Variants in KCNH1 observed in about 807,000 individuals in gnomAD.
KCNH1 encodes the protein voltage-gated delayed rectifier potassium channel KCNH1.
KCNH1 carries 27 observed loss-of-function variants against 69.2 expected under a neutral mutation model. That is an observed-to-expected ratio of 0.39 (90% CI 0.29 to 0.54). The LOEUF (loss-of-function observed/expected upper bound fraction) is 0.54, where lower values mean the gene tolerates loss of function less well. KCNH1 is among the 20% of genes least tolerant of loss of function. The pLI is 0.68. For missense variants in KCNH1, 798 were observed against 1,261.6 expected (o/e 0.63, Z 5.57); for synonymous variants, 456 against 487.7 (o/e 0.93, Z 0.86).
chr1:211,020,418 C>A (rs1003160118), intron 5 of KCNH1, among the ~76,000 whole-genome samples: 61 of 151,702 alleles, frequency 4.0e-4, no homozygotes, highest in African/African-American at 1.3e-3. Flanking sequence ...TACAACCTAC[C>A]AAGATTGAAA....
At chr1:210,760,053 C>G (rs1039609465) in intron 10 of KCNH1, among the ~76,000 whole-genome samples, 3 of 152,124 alleles carry the variant, frequency 2.0e-5, no homozygotes, top group African/African-American at 4.8e-5. Context: ...CTAGGTTGCA[C>G]ACTCCTTACG....
chr1:211,004,395 CAT>C (rs1313196558), intron 6 of KCNH1, among the ~76,000 whole-genome samples: 1 of 151,954 alleles, frequency 6.6e-6, no homozygotes, highest in Non-Finnish European at 1.5e-5. Context: ...AAAATAATAA[CAT>C]ATAAGAAAGT....
At chr1:210,769,467 C>T (rs1414585968) in intron 10 of KCNH1, among the ~76,000 whole-genome samples, 4 of 152,158 alleles carry the variant, frequency 2.6e-5, no homozygotes, top group Non-Finnish European at 4.4e-5. Flanking sequence ...AGTCCCAGCT[C>T]CCTCCCAAAC....
chr1:211,117,603 G>A (rs1282342611), intron 1 of KCNH1, among the ~76,000 whole-genome samples: 1 of 152,138 alleles, frequency 6.6e-6, no homozygotes, highest in East Asian at 1.9e-4. Flanking sequence ...ACCAATAGAA[G>A]AATGAGGGGT....
rs1687786164 is a variant in KCNH1 at position 210,937,027 on chromosome 1, A to G, written c.1033-16958T>C. On this transcript the variant is annotated intron_variant, in intron 6 of 10. Coordinates refer to ENST00000271751, the MANE Select transcript of KCNH1 (RefSeq NM_172362.3). ...TATCATACTAGACTCTGTTAATTAC[A>G]TCACTTAGAATACTCTCCTCCCACC... is the stretch of plus-strand genomic sequence containing the variant. 2.0e-5 allele frequency among the ~76,000 whole-genome samples: 3 copies of G among 152,070 alleles called. No individual in the cohort carries two copies. The South Asian group carries it at 6.2e-4, about 32-fold the overall frequency.
At chr1:210,867,910 T>C (rs1217974397) in intron 7 of KCNH1, among the ~76,000 whole-genome samples, 1 of 152,062 alleles carries the variant, frequency 6.6e-6, no homozygotes, top group Non-Finnish European at 1.5e-5. Context: ...AAAGTTTGTT[T>C]TGCACTCATC....
chr1:211,018,706 T>C, intron 6 of KCNH1, 77 bp downstream of exon 6: 3 of 1,113,082 alleles, frequency 2.7e-6, no homozygotes, highest in Non-Finnish European at 3.9e-6. Context: ...ACCCATTTAA[T>C]TATTCTTCTG....
At chr1:211,113,574 G>A (rs1691510481) in intron 1 of KCNH1, among the ~76,000 whole-genome samples, 1 of 152,176 alleles carries the variant, frequency 6.6e-6, no homozygotes, top group South Asian at 2.1e-4. Flanking sequence ...AGGAACAGGG[G>A]AGAAGAGGGT....
chr1:211,026,549 AG>A (rs1247980054), intron 5 of KCNH1, among the ~76,000 whole-genome samples: 1 of 152,160 alleles, frequency 6.6e-6, no homozygotes, highest in Non-Finnish European at 1.5e-5. Flanking sequence ...CTACGCCAGC[AG>A]GGCCTACTAG....
At chr1:210,834,030 A>T (rs1174952156) in intron 7 of KCNH1, among the ~76,000 whole-genome samples, 2 of 152,206 alleles carry the variant, frequency 1.3e-5, no homozygotes, top group Non-Finnish European at 2.9e-5. Context: ...AAAAGTCAGG[A>T]AACAACAGCT....
At chr1:210,849,532 A>G (rs1685638109) in intron 7 of KCNH1, among the ~76,000 whole-genome samples, 1 of 151,652 alleles carries the variant, frequency 6.6e-6, no homozygotes, top group South Asian at 2.1e-4. Context: ...ACACCCAGCT[A>G]GTTTTGTATT....
At chr1:210,822,318 G>A (rs550191939) in intron 7 of KCNH1, among the ~76,000 whole-genome samples, 1 of 152,254 alleles carries the variant, frequency 6.6e-6, no homozygotes, top group African/African-American at 2.4e-5. Flanking sequence ...ATGGAGAGTA[G>A]TGAGAGATGA....
At chr1:210,734,359 T>C (rs1452105430) in intron 10 of KCNH1, among the ~76,000 whole-genome samples, 1 of 152,104 alleles carries the variant, frequency 6.6e-6, no homozygotes, top group African/African-American at 2.4e-5. Flanking sequence ...GTCACAACAT[T>C]GGTTGACTGT....
chr1:210,849,930 A>C (rs990224537), intron 7 of KCNH1, among the ~76,000 whole-genome samples: 3 of 144,744 alleles, frequency 2.1e-5, no homozygotes, highest in African/African-American at 7.9e-5. Context: ...TAATAATAAA[A>C]TTTTAAAAAA....
At position 210,984,984 on chromosome 1, in the gene KCNH1, G is replaced by T. The variant is rs148078817; in HGVS notation, c.1032+33799C>A. On this transcript the variant is annotated intron_variant, in intron 6 of 10. Coordinates refer to ENST00000271751, the MANE Select transcript of KCNH1 (RefSeq NM_172362.3). The stretch of plus-strand genomic sequence containing the variant: ...AGAGCCTGTTATTGGTCTATTCAGA[G>T]ATTCCATTTCTTCCTGGTTTAGTCT... 6.3e-3 allele frequency among the ~76,000 whole-genome samples: 956 copies of T among 152,268 alleles called. 4 individuals carry two copies. Among genetic ancestry groups the T allele is most frequent in the Non-Finnish European group, 0.011 (718 of 68,018 alleles).
intron 7 of KCNH1, among the ~76,000 whole-genome samples, chr1:210,830,052 C>G (rs1466601035): frequency 6.6e-6 from 1 of 152,114 alleles, no homozygotes; most frequent in Admixed American, 6.5e-5. Flanking sequence ...AGACTACTGC[C>G]TACCACCTCA....
At chr1:211,026,807 C>A (rs1222124166) in intron 5 of KCNH1, among the ~76,000 whole-genome samples, 2 of 152,162 alleles carry the variant, frequency 1.3e-5, no homozygotes, top group Non-Finnish European at 2.9e-5. Context: ...CCCCCACAAC[C>A]CAGAGAGGTA....
rs542282944 is a variant in KCNH1 at position 210,682,231 on chromosome 1, C to A, written c.*1050G>T. On this transcript the variant is annotated 3_prime_UTR_variant, in exon 11 of 11. Transcript: ENST00000271751. ...TAAGGCCCAGCATGGCTCCCAAGTGCCTATAATGACCCCGTGCGGTGAACA... is the reference window on the plus strand; with the variant it reads ...TAAGGCCCAGCATGGCTCCCAAGTGACTATAATGACCCCGTGCGGTGAACA... 6.6e-6 allele frequency: 1 copy of A among 152,308 alleles called. No individual in the cohort carries two copies. The highest frequency in any genetic ancestry group is 2.4e-5 in the African/African-American group (1 of 41,572). The allele number at this position is 152,308 out of a possible 1,614,324, so 9.4% of individuals were successfully genotyped here. A position where few individuals can be genotyped will look rare whatever the true frequency, so the allele number is the denominator to read the frequency against.
chr1:211,099,254 A>G (rs181899594), intron 3 of KCNH1, among the ~76,000 whole-genome samples: 5 of 152,282 alleles, frequency 3.3e-5, no homozygotes, highest in African/African-American at 1.2e-4. Context: ...ACAAAAAGGA[A>G]ACACATCAAA....
Sources: allele counts gnomAD v4.1 joint callset (sites outside exome capture counted in the v4.1 genomes callset), GRCh38; gene constraint gnomAD v4.1.1; transcripts MANE v1.5; gene names NCBI Gene and HGNC (gene_info 2026-07-23, HGNC 2026-07-21).